The following NCKAP5 variants were observed in gnomAD, a reference collection of about 807,000 sequenced individuals.
The protein encoded by NCKAP5 is nck-associated protein 5.
In NCKAP5, 92 loss-of-function variants were observed where a neutral mutation model predicts 167.0. The observed-to-expected ratio is 0.55, with a 90% CI of 0.47 to 0.66. The LOEUF (loss-of-function observed/expected upper bound fraction) is 0.66. Among genes scored for constraint, NCKAP5 ranks in the 30% least tolerant of loss-of-function variants. The pLI is 0.00. For missense variants in NCKAP5, 2,378 were observed against 2,315.0 expected, an observed-to-expected ratio of 1.03 and a Z score of -0.56; for synonymous variants, 891 against 877.4, an observed-to-expected ratio of 1.02 and a Z score of -0.27.
At chr2:133,663,059 G>A in the NCKAP5 span, among the ~76,000 whole-genome samples, 3 of 152,230 alleles carry the variant, frequency 2.0e-5, no homozygotes, top group South Asian at 4.1e-4. Flanking sequence ...GAGGTCAGGA[G>A]ATCGAGACCA....
At chr2:132,892,208 A>C (rs1692765361) in intron 8 of NCKAP5, among the ~76,000 whole-genome samples, 3 of 152,174 alleles carry the variant, frequency 2.0e-5, no homozygotes. Flanking sequence ...CTTTTAACCC[A>C]CAGTCTTCCT....
intron 6 of NCKAP5, among the ~76,000 whole-genome samples, chr2:133,052,065 C>T (rs1044826970): frequency 2.0e-5 from 3 of 152,162 alleles, no homozygotes; most frequent in African/African-American, 4.8e-5. Flanking sequence ...GCTACCTCTC[C>T]TAGAATATTT....
At chr2:132,873,463 G>T (rs1378576651) in intron 9 of NCKAP5, among the ~76,000 whole-genome samples, 1 of 152,190 alleles carries the variant, frequency 6.6e-6, no homozygotes, top group East Asian at 1.9e-4. Flanking sequence ...GGCGTGAGGG[G>T]TATGTATATG....
chr2:133,188,376 G>A (rs1445701802), intron 5 of NCKAP5, among the ~76,000 whole-genome samples: 5 of 151,932 alleles, frequency 3.3e-5, no homozygotes, highest in Admixed American at 6.6e-5. Context: ...ACAGATCAAC[G>A]AGACAGAAAG....
At chr2:133,406,135 G>C (rs1215502878) in intron 3 of NCKAP5, among the ~76,000 whole-genome samples, 1 of 152,194 alleles carries the variant, frequency 6.6e-6, no homozygotes, top group Non-Finnish European at 1.5e-5. Context: ...CAACAGCAGT[G>C]TCTCACATTG....
At chr2:133,051,141 G>A (rs940093889) in intron 6 of NCKAP5, among the ~76,000 whole-genome samples, 2 of 152,258 alleles carry the variant, frequency 1.3e-5, no homozygotes, top group Admixed American at 1.3e-4. Context: ...ACTGACTTGA[G>A]GCTTGGAGTA....
At chr2:133,162,729 A>G (rs143689772) in intron 5 of NCKAP5, among the ~76,000 whole-genome samples, 43 of 152,138 alleles carry the variant, frequency 2.8e-4, no homozygotes, top group African/African-American at 1.0e-3. Context: ...AAGTCTTTAC[A>G]TCTCCACAAT....
chr2:133,157,324 G>A (rs1203572464), intron 5 of NCKAP5, among the ~76,000 whole-genome samples: 2 of 152,166 alleles, frequency 1.3e-5, no homozygotes, highest in Non-Finnish European at 2.9e-5. Context: ...TTCTTCTTCA[G>A]TGAGTATCTC....
At position 133,197,304 on chromosome 2, in the gene NCKAP5, G is replaced by A. The variant is rs544864930; in HGVS notation, c.207+16412C>T. On this transcript the variant is annotated intron_variant, in intron 5 of 19. Transcript: ENST00000409261. ...ACTGGCCTCAGGTAGTACACACATGGAATAAATCCAAAAAGTATTGTGAAC... is the reference window on the plus strand; with the variant it reads ...ACTGGCCTCAGGTAGTACACACATGAAATAAATCCAAAAAGTATTGTGAAC... 7.2e-5 allele frequency among the ~76,000 whole-genome samples: 11 copies of A among 152,084 alleles called. No homozygotes were observed. In the East Asian group the frequency reaches 1.2e-3, roughly 16 times the overall value.
At chr2:133,583,976 G>A in the NCKAP5 span, among the ~76,000 whole-genome samples, 1 of 152,112 alleles carries the variant, frequency 6.6e-6, no homozygotes, top group East Asian at 1.9e-4. Context: ...GGATGGTCTC[G>A]ATCTCCTGAC....
At chr2:133,293,134 T>G (rs1397800421) in intron 4 of NCKAP5, among the ~76,000 whole-genome samples, 1 of 152,080 alleles carries the variant, frequency 6.6e-6, no homozygotes, top group African/African-American at 2.4e-5. Flanking sequence ...AATGCCCCAG[T>G]GGAATAATCT....
intron 9 of NCKAP5, among the ~76,000 whole-genome samples, chr2:132,873,253 A>G (rs551180309): frequency 6.6e-5 from 10 of 152,100 alleles, no homozygotes; most frequent in Non-Finnish European, 8.8e-5. Context: ...ACAGGCGCCC[A>G]CCACCATGCC....
chr2:133,411,203 C>T (rs1288597860), intron 3 of NCKAP5, among the ~76,000 whole-genome samples: 1 of 152,192 alleles, frequency 6.6e-6, no homozygotes, highest in Non-Finnish European at 1.5e-5. Flanking sequence ...GTTCCTTGCC[C>T]ATGTCACATA....
At position 132,782,012 on chromosome 2, in the gene NCKAP5, A is replaced by G. The variant is rs2105023904; in HGVS notation, c.4799T>C (p.Ile1600Thr). 2 of 1,613,958 alleles carry G rather than the reference A, an allele frequency of 1.2e-6. No individual in the cohort carries two copies. The highest frequency in any genetic ancestry group is 1.7e-6 in the Non-Finnish European group (2 of 1,179,874). ...TPQDIYNQLK[I>T]EPRNRHSPVA... is the part of the protein sequence containing the mutation. ...AGGGCTGTGTCTATTCCTTGGTTCAATCTTCAGTTGGTTGTAAATGTCTTG... is the reference window on the plus strand; with the variant it reads ...AGGGCTGTGTCTATTCCTTGGTTCAGTCTTCAGTTGGTTGTAAATGTCTTG... The change falls in exon 14 of 20, where the codon ATT becomes ACT. Residue 1600 changes from isoleucine (I) to threonine (T), a missense_variant. Physicochemically the swap from Ile to Thr is moderately conservative, Grantham distance 89. Coordinates refer to ENST00000409261, the MANE Select transcript of NCKAP5 (RefSeq NM_207363.3).
chr2:133,263,113 A>G (rs970775550), intron 4 of NCKAP5, among the ~76,000 whole-genome samples: 1 of 152,042 alleles, frequency 6.6e-6, no homozygotes, highest in African/African-American at 2.4e-5. Flanking sequence ...TGCCCAATCT[A>G]ACTTCCCAAA....
intron 19 of NCKAP5, among the ~76,000 whole-genome samples, chr2:132,675,378 C>A (rs1237101830): frequency 6.6e-6 from 1 of 152,136 alleles, no homozygotes; most frequent in East Asian, 1.9e-4. Flanking sequence ...AAATAAAGAA[C>A]TTTAAAGCTC....
At chr2:132,842,776 G>A (rs968373294) in intron 11 of NCKAP5, among the ~76,000 whole-genome samples, 3 of 151,888 alleles carry the variant, frequency 2.0e-5, no homozygotes, top group African/African-American at 7.3e-5. Flanking sequence ...CTGGGATCAA[G>A]CAATCCTTCT....
chr2:132,815,595 C>A (rs13389292), intron 11 of NCKAP5, among the ~76,000 whole-genome samples: 15 of 152,230 alleles, frequency 9.9e-5, no homozygotes, highest in Middle Eastern at 3.4e-3. Flanking sequence ...ATTTCATAAA[C>A]CCTTTCCTAA....
intron 6 of NCKAP5, among the ~76,000 whole-genome samples, chr2:133,047,876 G>T (rs1298951444): frequency 6.6e-6 from 1 of 152,186 alleles, no homozygotes; most frequent in Non-Finnish European, 1.5e-5. Context: ...TTTAAAAAAT[G>T]CTTTGCAAGG....
Sources: gnomAD v4.1 joint callset for allele counts (sites outside exome capture counted in the v4.1 genomes callset) on GRCh38, gnomAD v4.1.1 for gene constraint, MANE v1.5 for transcripts, NCBI Gene and HGNC (gene_info 2026-07-23, HGNC 2026-07-21) for gene names.